ZNF385D: variants seen among roughly 807,000 people sequenced by gnomAD.
ZNF385D encodes zinc finger protein 659.
ZNF385D carries 15 observed loss-of-function variants against 35.8 expected under a neutral mutation model. The ratio of observed to expected loss-of-function variants is 0.42; its 90% CI spans 0.28 to 0.64. The LOEUF is 0.64. Among genes scored for constraint, ZNF385D ranks in the 30% least tolerant of loss-of-function variants. ZNF385D has a pLI of 0.23. For missense variants in ZNF385D, 474 were observed against 494.6 expected, an observed-to-expected ratio of 0.96 and a Z score of 0.39; for synonymous variants, 212 against 186.8, an observed-to-expected ratio of 1.13 and a Z score of -1.10.
chr3:21,663,012 T>C (rs545366141), intron 2 of ZNF385D, among the ~76,000 whole-genome samples: 4 of 152,104 alleles, frequency 2.6e-5, no homozygotes, highest in Non-Finnish European at 2.9e-5. Flanking sequence ...CACATGGGAG[T>C]TTTGTGACCC....
chr3:21,923,569 A>G (rs1700581476), intron 3 of ZNF385D, among the ~76,000 whole-genome samples: 1 of 152,180 alleles, frequency 6.6e-6, no homozygotes, highest in Non-Finnish European at 1.5e-5. Context: ...CATGTTCCTC[A>G]TGGCACTATT....
chr3:21,724,321 A>G (rs2068662497), intron 1 of ZNF385D, among the ~76,000 whole-genome samples: 1 of 151,810 alleles, frequency 6.6e-6, no homozygotes, highest in African/African-American at 2.4e-5. Flanking sequence ...TAAATGTAAC[A>G]GGGCTAAATG....
At chr3:21,611,993 T>C (rs954429451) in intron 2 of ZNF385D, among the ~76,000 whole-genome samples, 1 of 152,238 alleles carries the variant, frequency 6.6e-6, no homozygotes, top group Non-Finnish European at 1.5e-5. Context: ...TCACATCTTG[T>C]GAGCATCTAC....
At chr3:21,638,219 T>C (rs956281898) in intron 2 of ZNF385D, among the ~76,000 whole-genome samples, 1 of 152,070 alleles carries the variant, frequency 6.6e-6, no homozygotes, top group Non-Finnish European at 1.5e-5. Context: ...TGAGACAGAA[T>C]TCTCCATGAA....
At chr3:21,709,294 A>G (rs889745380) in intron 1 of ZNF385D, among the ~76,000 whole-genome samples, 7 of 152,102 alleles carry the variant, frequency 4.6e-5, no homozygotes, top group East Asian at 1.9e-4. Flanking sequence ...TGTGTTTTCT[A>G]TGCTAATCTT....
intron 3 of ZNF385D, among the ~76,000 whole-genome samples, chr3:21,903,914 A>C (rs1699540889): frequency 6.6e-6 from 1 of 152,138 alleles, no homozygotes; most frequent in South Asian, 2.1e-4. Context: ...GAGCCTCTGG[A>C]ATTTGTTTTT....
intron 3 of ZNF385D, among the ~76,000 whole-genome samples, chr3:22,039,217 G>A (rs1180737083): frequency 7.8e-6 from 1 of 128,434 alleles, no homozygotes; most frequent in Non-Finnish European, 1.6e-5. Context: ...AAAAATACTA[G>A]TAACAATAAA....
chr3:21,809,691 T>G (rs1383936232), intron 3 of ZNF385D, among the ~76,000 whole-genome samples: 3 of 126,914 alleles, frequency 2.4e-5, no homozygotes, highest in Non-Finnish European at 5.1e-5. Flanking sequence ...TATATACCTA[T>G]ATACATATAT....
At chr3:22,349,997 G>A (rs562208724) in intron 2 of ZNF385D, among the ~76,000 whole-genome samples, 1 of 152,128 alleles carries the variant, frequency 6.6e-6, no homozygotes, top group Non-Finnish European at 1.5e-5. Context: ...TGGCTATGTT[G>A]TAAGTAAACA....
In ZNF385D at chr3:21,706,822, AGATAGAT is replaced by A. The variant is rs1185763581; in HGVS notation, c.23-41801_23-41795del. Among the ~76,000 whole-genome samples the A allele has an allele frequency of 3.0e-3, 122 of 40,978 alleles. 2 individuals carry two copies. The highest frequency in any genetic ancestry group is 2.5e-3 in the Non-Finnish European group (41 of 16,724). The allele number at this position is 40,978 out of a possible 152,430, so 26.9% of individuals were successfully genotyped here. A position where few individuals can be genotyped will look rare whatever the true frequency, so the allele number is the denominator to read the frequency against. Reference sequence around the variant, plus strand: ...GACACAAAGATAATAGATGATAGATAGATAGATAGATAGATAGATAGATAGATAGATA... The same window carrying A: ...GACACAAAGATAATAGATGATAGATAAGATAGATAGATAGATAGATAGATA... On this transcript the variant is annotated intron_variant, in intron 1 of 7. Transcript: ENST00000281523.
chr3:21,496,171 C>A (rs749817764), intron 4 of ZNF385D, among the ~76,000 whole-genome samples: 1 of 151,190 alleles, frequency 6.6e-6, no homozygotes, highest in South Asian at 2.1e-4. Flanking sequence ...AAACTTGAGG[C>A]GGAGGCACTT....
At chr3:22,369,006 C>T (rs1696783660) in intron 2 of ZNF385D, among the ~76,000 whole-genome samples, 1 of 152,144 alleles carries the variant, frequency 6.6e-6, no homozygotes, top group African/African-American at 2.4e-5. Context: ...TCTCAGCTTC[C>T]TAAGTGGCAA....
At chr3:22,193,165 A>G (rs1451003150) in intron 2 of ZNF385D, among the ~76,000 whole-genome samples, 1 of 152,184 alleles carries the variant, frequency 6.6e-6, no homozygotes, top group East Asian at 1.9e-4. Flanking sequence ...AATAGTTTAT[A>G]TCTCAACCAC....
chr3:21,982,958 T>G (rs532537978), intron 3 of ZNF385D, among the ~76,000 whole-genome samples: 3 of 152,076 alleles, frequency 2.0e-5, no homozygotes, highest in African/African-American at 7.2e-5. Flanking sequence ...TCATAGCGGA[T>G]TAGCTTTCTG....
chr3:22,201,633 A>C (rs1696807519), intron 2 of ZNF385D, among the ~76,000 whole-genome samples: 1 of 152,068 alleles, frequency 6.6e-6, no homozygotes, highest in African/African-American at 2.4e-5. Flanking sequence ...TGAGATGTTT[A>C]AGTTCTATCA....
At chr3:22,300,383 C>T (rs999572248) in intron 2 of ZNF385D, among the ~76,000 whole-genome samples, 7 of 95,658 alleles carry the variant, frequency 7.3e-5, no homozygotes, top group African/African-American at 1.5e-4. Flanking sequence ...TTGGTCTGGG[C>T]AATGATTTTT....
At chr3:21,974,056 A>T (rs1364662053) in intron 3 of ZNF385D, among the ~76,000 whole-genome samples, 1 of 152,072 alleles carries the variant, frequency 6.6e-6, no homozygotes, top group Non-Finnish European at 1.5e-5. Context: ...TCTTCACAGA[A>T]ATAGAAAACA....
chr3:21,886,413 C>T (rs1189238246), intron 3 of ZNF385D, among the ~76,000 whole-genome samples: 1 of 151,930 alleles, frequency 6.6e-6, no homozygotes, highest in Admixed American at 6.6e-5. Flanking sequence ...AACTGTGCAA[C>T]ATTTGAACTG....
intron 1 of ZNF385D, among the ~76,000 whole-genome samples, chr3:21,721,955 C>T (rs1353099585): frequency 6.6e-6 from 1 of 152,228 alleles, no homozygotes; most frequent in Admixed American, 6.5e-5. Flanking sequence ...ACAAAATTAA[C>T]TGGGCGTGGT....
Sources: gnomAD v4.1 joint callset for allele counts (sites outside exome capture counted in the v4.1 genomes callset) on GRCh38, gnomAD v4.1.1 for gene constraint, MANE v1.5 for transcripts, NCBI Gene and HGNC (gene_info 2026-07-23, HGNC 2026-07-21) for gene names.